Variants in ADAMTS20 observed in about 807,000 individuals in gnomAD.
The protein encoded by ADAMTS20 is A disintegrin and metalloproteinase with thrombospondin motifs 20.
Under a neutral mutation model 260.1 loss-of-function variants are expected in ADAMTS20, and 225 were observed. The observed-to-expected ratio is 0.87, with a 90% CI of 0.78 to 0.97. The LOEUF is 0.97. ADAMTS20 is among the 50% of genes least tolerant of loss of function. ADAMTS20 has a pLI of 0.00. For missense variants in ADAMTS20, 2,400 were observed against 2,337.7 expected (o/e 1.03, Z -0.55); for synonymous variants, 802 against 769.5 (o/e 1.04, Z -0.70).
At chr12:43,356,460 G>C (rs752751573) in intron 38 of ADAMTS20, 24 bp downstream of exon 38, 16 of 1,494,798 alleles carry the variant, frequency 1.1e-5, no homozygotes, top group Non-Finnish European at 1.5e-5. Flanking sequence ...TTTCAAACAG[G>C]CTTTTTGGTC....
intron 28 of ADAMTS20, among the ~76,000 whole-genome samples, chr12:43,416,198 T>A (rs1404106889): frequency 2.6e-5 from 4 of 152,190 alleles, no homozygotes; most frequent in Non-Finnish European, 5.9e-5. Flanking sequence ...ATCTGATGAC[T>A]AGCTGCACGA....
intron 3 of ADAMTS20, among the ~76,000 whole-genome samples, chr12:43,515,624 G>A: frequency 6.6e-6 from 1 of 152,004 alleles, no homozygotes. Flanking sequence ...ATTTTCCAAA[G>A]TAAATCTAGT....
intron 18 of ADAMTS20, 143 bp downstream of exon 18, chr12:43,439,479 A>G (rs1941617914): frequency 5.2e-6 from 5 of 965,708 alleles, no homozygotes; most frequent in Non-Finnish European, 7.4e-6. Context: ...AGAAAGGAAA[A>G]AAAGATTGAA....
At chr12:43,361,995 T>C (rs567330751) in intron 37 of ADAMTS20, among the ~76,000 whole-genome samples, 2 of 152,344 alleles carry the variant, frequency 1.3e-5, no homozygotes, top group South Asian at 4.1e-4. Context: ...CTTTCCAAAG[T>C]AACAACATTT....
At chr12:43,466,467 G>GTA (rs369153478) in intron 9 of ADAMTS20, among the ~76,000 whole-genome samples, 185 bp downstream of exon 9, 4,172 of 149,130 alleles carry the variant, frequency 0.028, 90 homozygotes, top group East Asian at 0.086. Flanking sequence ...TTATATACAT[G>GTA]TATATATATA....
At chr12:43,452,949 C>T (rs1408767427) in intron 12 of ADAMTS20, among the ~76,000 whole-genome samples, 1 of 151,998 alleles carries the variant, frequency 6.6e-6, no homozygotes, top group Admixed American at 6.6e-5. Flanking sequence ...TAGCAAGAAA[C>T]CAACAATGGA....
intron 2 of ADAMTS20, among the ~76,000 whole-genome samples, chr12:43,549,539 C>T (rs1027862123): frequency 6.6e-6 from 1 of 152,122 alleles, no homozygotes; most frequent in Non-Finnish European, 1.5e-5. Flanking sequence ...CCCTATAATG[C>T]CTTCCCATCT....
At chr12:43,440,156 T>G in intron 16 of ADAMTS20, 87 bp from the exon 17 acceptor site, 2 of 917,110 alleles carry the variant, frequency 2.2e-6, no homozygotes, top group East Asian at 2.9e-5. Context: ...TTTTTTTTTT[T>G]TTTTTGAGAC....
chr12:43,388,416 C>T (rs1234009118), intron 29 of ADAMTS20, among the ~76,000 whole-genome samples: 4 of 152,184 alleles, frequency 2.6e-5, no homozygotes, highest in Admixed American at 1.3e-4. Context: ...GCAGAAATCA[C>T]CTGCCTTCTG....
chr12:43,443,046 T>G (rs1941697084), intron 16 of ADAMTS20, among the ~76,000 whole-genome samples: 1 of 152,216 alleles, frequency 6.6e-6, no homozygotes. Context: ...GTTAATTATT[T>G]GAGTCAATAT....
intron 29 of ADAMTS20, among the ~76,000 whole-genome samples, chr12:43,398,657 A>G (rs995475825): frequency 2.6e-5 from 4 of 152,188 alleles, no homozygotes; most frequent in Non-Finnish European, 5.9e-5. Context: ...TATTATGATT[A>G]TCAGTAGCCT....
chr12:43,482,864 AC>A (rs1372751106), intron 7 of ADAMTS20, among the ~76,000 whole-genome samples: 2 of 152,242 alleles, frequency 1.3e-5, no homozygotes, highest in East Asian at 3.9e-4. Flanking sequence ...GTGCAACTGA[AC>A]AGCCAGTTAC....
chr12:43,400,728 A>C (rs148058051), intron 28 of ADAMTS20, among the ~76,000 whole-genome samples: 176 of 152,082 alleles, frequency 1.2e-3, no homozygotes, highest in Middle Eastern at 0.01. Context: ...AAAAAATTCA[A>C]ATATTATTGA....
intron 4 of ADAMTS20, among the ~76,000 whole-genome samples, chr12:43,494,416 A>G (rs1942648235): frequency 6.6e-6 from 1 of 152,236 alleles, no homozygotes; most frequent in Non-Finnish European, 1.5e-5. Flanking sequence ...CTCTTGTGCC[A>G]AAAGGACTAC....
At chr12:43,501,761 C>A (rs1041998678) in intron 4 of ADAMTS20, among the ~76,000 whole-genome samples, 29 of 151,966 alleles carry the variant, frequency 1.9e-4, no homozygotes, top group Non-Finnish European at 1.5e-5. Context: ...GAGAATATAG[C>A]CATAATAAAA....
chr12:43,474,054 G>GT (rs1230787809), intron 7 of ADAMTS20, among the ~76,000 whole-genome samples: 1 of 151,918 alleles, frequency 6.6e-6, no homozygotes, highest in Non-Finnish European at 1.5e-5. Context: ...CAGGAAGCTG[G>GT]TTTTTTGAAA....
chr12:43,512,950 A>T (rs558343354), intron 3 of ADAMTS20, among the ~76,000 whole-genome samples: 1 of 152,312 alleles, frequency 6.6e-6, no homozygotes, highest in South Asian at 2.1e-4. Flanking sequence ...TCATGTTGGT[A>T]AATGTTGATT....
intron 3 of ADAMTS20, among the ~76,000 whole-genome samples, chr12:43,530,289 G>A (rs1481023779): frequency 1.3e-5 from 2 of 151,354 alleles, no homozygotes; most frequent in African/African-American, 4.8e-5. Flanking sequence ...TTCTTCTTAA[G>A]AAGCTAAACA....
chr12:43,370,059 C>T (rs1468501246), intron 36 of ADAMTS20, among the ~76,000 whole-genome samples: 1 of 152,092 alleles, frequency 6.6e-6, no homozygotes, highest in East Asian at 1.9e-4. Context: ...TTATCCCAAC[C>T]AAATCATCTA....
Sources: gnomAD v4.1 joint callset for allele counts (sites outside exome capture counted in the v4.1 genomes callset) on GRCh38, gnomAD v4.1.1 for gene constraint, MANE v1.5 for transcripts, NCBI Gene and HGNC (gene_info 2026-07-23, HGNC 2026-07-21) for gene names.